The following PRKCE variants were observed in gnomAD, a reference collection of about 807,000 sequenced individuals.
PRKCE encodes the protein protein kinase C epsilon type.
Under a neutral mutation model 85.4 loss-of-function variants are expected in PRKCE, and 16 were observed. The observed-to-expected ratio is 0.19, with a 90% confidence interval of 0.13 to 0.28. The LOEUF is 0.28. Among genes scored for constraint, PRKCE ranks in the 10% least tolerant of loss-of-function variants. PRKCE has a pLI of 1.00. For missense variants in PRKCE, 573 were observed against 975.2 expected (o/e 0.59, Z 5.49); for synonymous variants, 388 against 371.5 (o/e 1.04, Z -0.51).
At chr2:46,112,149 T>A (rs1344449969) in intron 11 of PRKCE, among the ~76,000 whole-genome samples, 16 of 152,218 alleles carry the variant, frequency 1.1e-4, no homozygotes, top group Admixed American at 1.0e-3. Context: ...TAATGCCCTC[T>A]TTTTGCCTGA....
chr2:45,951,675 G>A (rs1470531335), intron 2 of PRKCE, among the ~76,000 whole-genome samples: 4 of 152,228 alleles, frequency 2.6e-5, no homozygotes, highest in Non-Finnish European at 4.4e-5. Flanking sequence ...ATGTAGCAAA[G>A]GCTGAGCACT....
chr2:45,999,492 T>C (rs1182905052), intron 6 of PRKCE, among the ~76,000 whole-genome samples: 1 of 152,086 alleles, frequency 6.6e-6, no homozygotes, highest in Admixed American at 6.5e-5. Context: ...TCCTTTGACT[T>C]CTTTCAGCGT....
intron 11 of PRKCE, among the ~76,000 whole-genome samples, chr2:46,090,791 T>G (rs67554433): frequency 0.2 from 29,990 of 152,076 alleles, 3,297 homozygotes; most frequent in Middle Eastern, 0.29. Context: ...ATGGAGAAGC[T>G]GTACATATGT....
intron 10 of PRKCE, among the ~76,000 whole-genome samples, chr2:46,070,249 A>T (rs946915941): frequency 6.6e-6 from 1 of 152,168 alleles, no homozygotes; most frequent in African/African-American, 2.4e-5. Context: ...ACTTGAGACC[A>T]CCTCTATAAA....
At chr2:45,809,835 G>A (rs939670016) in intron 1 of PRKCE, among the ~76,000 whole-genome samples, 32 of 149,370 alleles carry the variant, frequency 2.1e-4, no homozygotes, top group Admixed American at 3.3e-4. Context: ...AGCCAAGATC[G>A]CACTATTGCA....
intron 1 of PRKCE, among the ~76,000 whole-genome samples, chr2:45,825,091 C>T (rs6719127): frequency 0.63 from 95,901 of 152,062 alleles, 31,543 homozygotes; most frequent in African/African-American, 0.82. Context: ...TTACTTTTTT[C>T]CTCCGGGGAT....
intron 1 of PRKCE, chr2:45,677,903 G>A: frequency 3.0e-6 from 3 of 985,412 alleles, no homozygotes; most frequent in Non-Finnish European, 3.6e-6. Context: ...GTTCTGAAGG[G>A]GTAGTGGGAA....
At chr2:45,885,002 T>TATTTTTGTTG (rs1553440407) in intron 2 of PRKCE, among the ~76,000 whole-genome samples, 1 of 97,642 alleles carries the variant, frequency 1.0e-5, no homozygotes, top group Admixed American at 1.2e-4. Flanking sequence ...TATATATATA[T>TATTTTTGTTG]TTGTTGTTGT....
At chr2:46,144,337 G>A (rs1368759253) in intron 11 of PRKCE, among the ~76,000 whole-genome samples, 1 of 152,166 alleles carries the variant, frequency 6.6e-6, no homozygotes, top group African/African-American at 2.4e-5. Flanking sequence ...CATGCAGGCA[G>A]GATGCTTATT....
chr2:45,936,907 C>T (rs992635487), intron 2 of PRKCE, among the ~76,000 whole-genome samples: 22 of 152,288 alleles, frequency 1.4e-4, no homozygotes, highest in African/African-American at 5.1e-4. Flanking sequence ...CCCTCTTGTA[C>T]TTTCAGGCTA....
chr2:45,716,907 G>A (rs1014015093), intron 1 of PRKCE, among the ~76,000 whole-genome samples: 2 of 152,204 alleles, frequency 1.3e-5, no homozygotes, highest in African/African-American at 4.8e-5. Context: ...GCAGAGCGAA[G>A]GGAGAAGCCC....
At chr2:46,001,000 C>T (rs940538311) in intron 6 of PRKCE, 1 of 152,120 alleles carries the variant, frequency 6.6e-6, no homozygotes, top group Non-Finnish European at 1.5e-5. Flanking sequence ...CTTCAATGAG[C>T]AGGTTGTTTT....
At chr2:46,133,673 G>A (rs902615733) in intron 11 of PRKCE, among the ~76,000 whole-genome samples, 2 of 151,914 alleles carry the variant, frequency 1.3e-5, no homozygotes, top group Non-Finnish European at 2.9e-5. Context: ...GGGCCCTGAG[G>A]ACCAATCATC....
intron 6 of PRKCE, among the ~76,000 whole-genome samples, chr2:45,990,947 C>A (rs1471600364): frequency 6.6e-6 from 1 of 151,904 alleles, no homozygotes; most frequent in Non-Finnish European, 1.5e-5. Context: ...CAGGTGTGAG[C>A]CACTGCACCC....
chr2:45,892,415 G>T (rs1031229182), intron 2 of PRKCE, among the ~76,000 whole-genome samples: 1 of 151,854 alleles, frequency 6.6e-6, no homozygotes, highest in African/African-American at 2.4e-5. Context: ...TTTCATAAGA[G>T]AGCAGAAGAA....
At position 45,652,183 on chromosome 2, in the gene PRKCE, C is replaced by T. The variant is rs770090330; in HGVS notation, c.83C>T (p.Ala28Val). The change falls in exon 1 of 15, where the codon GCG (alanine) becomes GTG (valine). Residue 28 changes from alanine (A) to valine (V), a missense_variant. Physicochemically the swap from Ala to Val is moderately conservative, Grantham distance 64. Around this residue, in one of 11 missense-constraint regions of PRKCE, gnomAD observed 100 missense variants for 177.1 expected, o/e 0.56. Transcript: ENST00000306156. The surrounding 1 kb of genome is among the most constrained non-coding windows in gnomAD (Gnocchi z 7.7). ...CCCACAGCCTGGTCGCTGCGCCATG[C>T]GGTGGGACCCCGGCCGCAGACTTTC... ...LKPTAWSLRH[A>V]VGPRPQTFLL... 5.0e-6 allele frequency: 8 copies of T among 1,613,164 alleles called. No individual in the cohort carries two copies. The South Asian group carries it at 8.8e-5, about 18-fold the overall frequency.
intron 2 of PRKCE, among the ~76,000 whole-genome samples, chr2:45,906,802 A>G (rs1184957869): frequency 6.6e-6 from 1 of 152,198 alleles, no homozygotes; most frequent in African/African-American, 2.4e-5. Context: ...TGCCTGCTGT[A>G]TGTGCCTACC....
intron 2 of PRKCE, among the ~76,000 whole-genome samples, chr2:45,954,388 C>T (rs917172136): frequency 6.6e-6 from 1 of 152,132 alleles, no homozygotes; most frequent in African/African-American, 2.4e-5. Flanking sequence ...ATTGCATCAT[C>T]CATTAACCCT....
intron 1 of PRKCE, among the ~76,000 whole-genome samples, chr2:45,681,377 T>C (rs1241955625): frequency 6.7e-6 from 1 of 149,982 alleles, no homozygotes; most frequent in Non-Finnish European, 1.5e-5. Flanking sequence ...TGATTGAGTG[T>C]CTAGGGCAAT....
Sources: gnomAD v4.1 joint callset for allele counts (sites outside exome capture counted in the v4.1 genomes callset) on GRCh38, gnomAD v4.1.1 for gene constraint, gnomAD v4.1.1 regional missense constraint, Gnocchi (gnomAD v3.1) non-coding constraint, MANE v1.5 for transcripts, NCBI Gene and HGNC (gene_info 2026-07-23, HGNC 2026-07-21) for gene names.